The following ATL2 variants were observed in gnomAD, a reference collection of about 807,000 sequenced individuals.
ATL2 encodes the protein atlastin GTPase 2.
A neutral mutation model predicts 73.9 loss-of-function variants in ATL2; 31 were observed. The observed-to-expected ratio is 0.42, with a 90% CI of 0.32 to 0.57. ATL2 has a LOEUF of 0.57. Ranked by LOEUF, ATL2 falls within the 20% of genes least tolerant of loss-of-function variation. ATL2 has a pLI of 0.14. For synonymous variants in ATL2, 291 were observed against 237.5 expected (o/e 1.23, Z -2.07); for missense variants, 738 against 702.6 (o/e 1.05, Z -0.57).
At chr2:38,370,771 G>GAAACA (rs756296803) in intron 1 of ATL2, among the ~76,000 whole-genome samples, 12 of 150,620 alleles carry the variant, frequency 8.0e-5, no homozygotes, top group Admixed American at 4.0e-4. Context: ...ATCTCAAAAC[G>GAAACA]AAACAAAACA....
chr2:38,327,673 C>T (rs907902642), intron 2 of ATL2, among the ~76,000 whole-genome samples: 1 of 152,018 alleles, frequency 6.6e-6, no homozygotes, highest in Non-Finnish European at 1.5e-5. Flanking sequence ...GCACAGTGCA[C>T]ATCTGTAATC....
intron 2 of ATL2, among the ~76,000 whole-genome samples, chr2:38,319,494 C>G (rs867412818): frequency 1.3e-5 from 2 of 151,512 alleles, no homozygotes; most frequent in African/African-American, 4.9e-5. Flanking sequence ...GGCTACTCAG[C>G]AGGCTGAGGT....
intron 1 of ATL2, among the ~76,000 whole-genome samples, chr2:38,374,387 T>G (rs1385736987): frequency 1.3e-5 from 2 of 152,228 alleles, no homozygotes; most frequent in Non-Finnish European, 2.9e-5. Flanking sequence ...ATAATACACC[T>G]GGACTTTGAA....
intron 1 of ATL2, chr2:38,376,442 G>A (rs927999659): frequency 1.3e-5 from 4 of 314,716 alleles, no homozygotes; most frequent in Non-Finnish European, 2.3e-5. Context: ...CAAGTGACTC[G>A]TAAACGGCTC....
At chr2:38,316,617 T>A (rs1251281467) in intron 4 of ATL2, among the ~76,000 whole-genome samples, 1 of 152,128 alleles carries the variant, frequency 6.6e-6, no homozygotes, top group African/African-American at 2.4e-5. Flanking sequence ...TCTTCTTGGT[T>A]ATTTATACTT....
At chr2:38,340,597 A>T (rs1669660165) in intron 2 of ATL2, among the ~76,000 whole-genome samples, 1 of 125,964 alleles carries the variant, frequency 7.9e-6, no homozygotes, top group Non-Finnish European at 1.5e-5. Context: ...AACACTGAAA[A>T]CTTAAACTGT....
At chr2:38,322,740 T>G (rs943290882) in intron 2 of ATL2, among the ~76,000 whole-genome samples, 1 of 151,882 alleles carries the variant, frequency 6.6e-6, no homozygotes, top group Admixed American at 6.6e-5. Flanking sequence ...AGAAGCTGAG[T>G]GTGGTGGCTA....
intron 1 of ATL2, chr2:38,359,393 C>T (rs1175253349): frequency 1.3e-5 from 2 of 151,674 alleles, no homozygotes; most frequent in African/African-American, 4.9e-5. Flanking sequence ...TCACTTGAAC[C>T]CCAGAGCCCG....
intron 2 of ATL2, among the ~76,000 whole-genome samples, chr2:38,333,125 A>C (rs957044049): frequency 6.6e-5 from 10 of 152,064 alleles, no homozygotes; most frequent in African/African-American, 2.2e-4. Context: ...CACTTTGGGA[A>C]GCCAAAACAG....
intron 1 of ATL2, among the ~76,000 whole-genome samples, chr2:38,345,922 T>C (rs994980578): frequency 3.3e-5 from 5 of 152,096 alleles, no homozygotes; most frequent in South Asian, 2.1e-4. Context: ...ATTCAATGAG[T>C]TGAAATATGT....
intron 2 of ATL2, among the ~76,000 whole-genome samples, chr2:38,329,451 A>AAAAAAAAAAAAAAAAAAAAAAAAAAAAAC (rs1668858878): frequency 7.0e-6 from 1 of 143,590 alleles, no homozygotes. Flanking sequence ...AAAAAAAAAA[A>AAAAAAAAAAAAAAAAAAAAAAAAAAAAAC]GATCAATAAA....
At chr2:38,296,814 C>T (rs1666920748) in intron 12 of ATL2, 2 of 1,448,688 alleles carry the variant, frequency 1.4e-6, no homozygotes, top group South Asian at 1.3e-5. Context: ...TGATTTTATA[C>T]ACTTTAGATT....
chr2:38,312,231 C>A (rs1667791581), intron 7 of ATL2, among the ~76,000 whole-genome samples: 1 of 152,294 alleles, frequency 6.6e-6, no homozygotes, highest in South Asian at 2.1e-4. Flanking sequence ...TCTATGTCCC[C>A]ACCCAAATCT....
intron 2 of ATL2, among the ~76,000 whole-genome samples, chr2:38,335,553 A>G (rs887124817): frequency 2.6e-5 from 4 of 152,222 alleles, no homozygotes; most frequent in African/African-American, 9.6e-5. Flanking sequence ...CTACATTAAT[A>G]CAAGTCAGAA....
At chr2:38,296,895 A>G (rs1219603526) in intron 12 of ATL2, among the ~76,000 whole-genome samples, 1 of 152,232 alleles carries the variant, frequency 6.6e-6, no homozygotes, top group African/African-American at 2.4e-5. Flanking sequence ...AGAGATGAAT[A>G]TTTCTCAAAA....
chr2:38,318,780 T>C (rs1436261877), intron 3 of ATL2, 105 bp downstream of exon 3: 2 of 1,397,108 alleles, frequency 1.4e-6, no homozygotes, highest in South Asian at 1.4e-5. Flanking sequence ...ATAATCCGTA[T>C]GTTAAAGTTA....
chr2:38,306,620 A>G (rs771748267), intron 9 of ATL2, among the ~76,000 whole-genome samples: 7 of 152,242 alleles, frequency 4.6e-5, no homozygotes, highest in Non-Finnish European at 7.3e-5. Flanking sequence ...AGTGTGATAC[A>G]TCGTTATCAC....
In ATL2 at chr2:38,374,993, G is replaced by A. The variant is rs553890376; in HGVS notation, c.118+2150C>T. ...CAGCTACTTCTCCCTAAATAATTTCGAAGAATTTCAAAACACTTTACTAAA... is the reference window on the plus strand; with the variant it reads ...CAGCTACTTCTCCCTAAATAATTTCAAAGAATTTCAAAACACTTTACTAAA... On this transcript the variant is annotated intron_variant, in intron 1 of 12. Transcript: ENST00000378954. 5.3e-4 allele frequency among the ~76,000 whole-genome samples: 80 copies of A among 152,112 alleles called. No individual in the cohort carries two copies. In the East Asian group the frequency reaches 8.7e-3, roughly 17 times the overall value.
At chr2:38,359,666 G>C (rs1295128388) in intron 1 of ATL2, 1 of 151,948 alleles carries the variant, frequency 6.6e-6, no homozygotes, top group Non-Finnish European at 1.5e-5. Flanking sequence ...CCCACTTAAA[G>C]AACACTAAGG....
Sources: gnomAD v4.1 joint callset for allele counts (sites outside exome capture counted in the v4.1 genomes callset) on GRCh38, gnomAD v4.1.1 for gene constraint, MANE v1.5 for transcripts, NCBI Gene and HGNC (gene_info 2026-07-23, HGNC 2026-07-21) for gene names.